SMARCC1: variants seen among roughly 807,000 people sequenced by gnomAD.
The protein encoded by SMARCC1 is SWI/SNF complex subunit SMARCC1.
In SMARCC1, 43 loss-of-function variants were observed where a neutral mutation model predicts 147.4. The observed-to-expected ratio is 0.29, with a 90% CI of 0.23 to 0.38. The LOEUF (loss-of-function observed/expected upper bound fraction) is 0.38. Ranked by LOEUF, SMARCC1 falls within the 10% of genes least tolerant of loss-of-function variation. SMARCC1 has a pLI of 1.00. For synonymous variants in SMARCC1, 495 were observed against 484.4 expected (o/e 1.02, Z -0.29); for missense variants, 1,119 against 1,381.1 (o/e 0.81, Z 3.01).
intron 6 of SMARCC1, among the ~76,000 whole-genome samples, chr3:47,726,127 T>C (rs1037084975): frequency 1.4e-5 from 2 of 147,540 alleles, no homozygotes; most frequent in South Asian, 2.2e-4. Flanking sequence ...AGCCTGTTAT[T>C]AAAAAATAAT....
intron 15 of SMARCC1, among the ~76,000 whole-genome samples, chr3:47,678,802 G>A (rs1427550105): frequency 6.6e-6 from 1 of 152,194 alleles, no homozygotes; most frequent in East Asian, 1.9e-4. Flanking sequence ...TAGCCACAGG[G>A]TTGGTAACTG....
At chr3:47,781,366 T>C (rs1208245519) in intron 1 of SMARCC1, among the ~76,000 whole-genome samples, 2 of 152,186 alleles carry the variant, frequency 1.3e-5, no homozygotes, top group Non-Finnish European at 1.5e-5. Flanking sequence ...CACACGAGAC[T>C]GAGCAGGGGC....
chr3:47,662,393 G>C lies in SMARCC1; in HGVS notation c.2099C>G (p.Ala700Gly). ...QSGNPVMSTV[A>G]FLASVVDPRV... ...AGGGTCCACCACAGATGCCAAAAAA[G>C]CAACAGTACTCATAACTGGATTTCC... Residue 700 changes from alanine to glycine, a missense_variant, in exon 20 of 28, where the codon GCT becomes GGT. Physicochemically the swap from Ala to Gly is moderately conservative, Grantham distance 60. Coordinates refer to ENST00000254480, the MANE Select transcript of SMARCC1 (RefSeq NM_003074.4). 1.9e-5 allele frequency: 31 copies of C among 1,614,122 alleles called. No individual in the cohort carries two copies. Among genetic ancestry groups the C allele is most frequent in the Non-Finnish European group, 2.6e-5 (31 of 1,179,998 alleles).
intron 1 of SMARCC1, among the ~76,000 whole-genome samples, chr3:47,781,139 G>T (rs2035041224): frequency 6.6e-6 from 1 of 152,146 alleles, no homozygotes; most frequent in Non-Finnish European, 1.5e-5. Context: ...AATTCATATT[G>T]CCTGTTATTA....
rs2033359952 is a variant in SMARCC1 at position 47,662,486 on chromosome 3, G to T, written c.2006C>A (p.Pro669Gln). ...LHFLRLPIED[P>Q]YLENSDASLG... ...GGAAGCATCTGAATTCTCAAGGTAT[G>T]GGTCCTCAATGGGAAGTCTCAAAAA... The change falls in exon 20 of 28, where the codon CCA becomes CAA. Residue 669 changes from proline (P) to glutamine (Q), a missense_variant. Physicochemically the swap from Pro to Gln is moderately conservative, Grantham distance 76. Coordinates refer to ENST00000254480, the MANE Select transcript of SMARCC1 (RefSeq NM_003074.4). 6.2e-7 allele frequency: 1 copy of T among 1,614,094 alleles called. No homozygotes were observed.
chr3:47,767,530 C>T (rs554272587), intron 2 of SMARCC1, among the ~76,000 whole-genome samples: 6 of 143,252 alleles, frequency 4.2e-5, no homozygotes, highest in East Asian at 2.2e-4. Context: ...TGTGAGCCAC[C>T]GCACCCAGCC....
chr3:47,778,415 C>T (rs2035003528), intron 1 of SMARCC1, among the ~76,000 whole-genome samples: 7 of 151,768 alleles, frequency 4.6e-5, no homozygotes, highest in Admixed American at 3.9e-4. Flanking sequence ...CTCAAGTGAT[C>T]CTCCAAGGAC....
At chr3:47,732,559 A>G (rs371766530) in intron 5 of SMARCC1, among the ~76,000 whole-genome samples, 101 of 152,182 alleles carry the variant, frequency 6.6e-4, no homozygotes, top group African/African-American at 2.3e-3. Context: ...GAGATAAGCA[A>G]CTCTTCCTTT....
chr3:47,662,325 A>G lies in SMARCC1; in HGVS notation c.2158+9T>C. The G allele has an allele frequency of 1.2e-6, 2 of 1,612,608 alleles. No homozygotes were observed. The highest frequency in any genetic ancestry group is 8.5e-7 in the Non-Finnish European group (1 of 1,179,244). On this transcript the variant is annotated intron_variant, in intron 20 of 27. Transcript: ENST00000254480. ...TTCTGTTGAGGAGATGGTTTAGGGA[A>G]GTCCATACCCAAAGCCGCTTTTGCT... is the stretch of plus-strand genomic sequence containing the variant.
At chr3:47,632,568 T>C (rs769355432) in intron 24 of SMARCC1, among the ~76,000 whole-genome samples, 2 of 152,028 alleles carry the variant, frequency 1.3e-5, no homozygotes, top group Non-Finnish European at 2.9e-5. Flanking sequence ...TCCTGACACA[T>C]TGAGAGGTCA....
chr3:47,672,336 G>A (rs1427422732), intron 18 of SMARCC1, among the ~76,000 whole-genome samples: 3 of 151,772 alleles, frequency 2.0e-5, no homozygotes, highest in Admixed American at 6.6e-5. Flanking sequence ...TGCCTCAGCC[G>A]CTGGGACTAC....
chr3:47,635,319 T>G lies in SMARCC1; in HGVS notation c.2517A>C (p.Lys839Asn). 6.2e-7 allele frequency: 1 copy of G among 1,612,780 alleles called. No individual in the cohort carries two copies. The highest frequency in any genetic ancestry group is 8.5e-7 in the Non-Finnish European group (1 of 1,179,836). The change falls in exon 24 of 28, where the codon AAA becomes AAC. Residue 839 changes from lysine (K) to asparagine (N), a missense_variant. Lys to Asn is a moderately conservative substitution (Grantham distance 94). Coordinates refer to ENST00000254480, the MANE Select transcript of SMARCC1 (RefSeq NM_003074.4). ...TTTCTTTACATGTATCAGTGAGTTC[T>G]TTGTTCTCTTCAGTCTCCTTTTCTT... ...KSEEKETEEN[K>N]ELTDTCKERE...
chr3:47,669,346 T>C (rs2033466499), intron 19 of SMARCC1, among the ~76,000 whole-genome samples: 1 of 152,202 alleles, frequency 6.6e-6, no homozygotes, highest in Admixed American at 6.6e-5. Context: ...AAAGAACAAC[T>C]GTTGCTCCAG....
Position 47,747,905 on chromosome 3 carries a change from C to G in SMARCC1, c.316-1912G>C, listed in dbSNP as rs559483088. ...AGGCATGGTGGCTCACGCCTGTAATCCCAGCACTTTGGAAGGCCAAAGCGG... is the reference window on the plus strand; with the variant it reads ...AGGCATGGTGGCTCACGCCTGTAATGCCAGCACTTTGGAAGGCCAAAGCGG... On this transcript the variant is annotated intron_variant, in intron 2 of 27. Coordinates refer to ENST00000254480, the MANE Select transcript of SMARCC1 (RefSeq NM_003074.4). Among the ~76,000 whole-genome samples the G allele has an allele frequency of 9.2e-5, 14 of 152,238 alleles. No individual in the cohort carries two copies. In the East Asian group the frequency reaches 2.7e-3, roughly 30 times the overall value.
intron 2 of SMARCC1, among the ~76,000 whole-genome samples, chr3:47,771,151 C>T (rs886418341): frequency 2.0e-5 from 3 of 152,094 alleles, no homozygotes; most frequent in South Asian, 2.1e-4. Flanking sequence ...CATCGTGATC[C>T]GCCCACCTCA....
intron 19 of SMARCC1, among the ~76,000 whole-genome samples, chr3:47,665,758 T>C (rs1164784001): frequency 6.6e-6 from 1 of 152,132 alleles, no homozygotes; most frequent in Non-Finnish European, 1.5e-5. Flanking sequence ...TTTTAGTAAG[T>C]ATCTTATAAT....
At chr3:47,610,715 T>TA (rs1351198535) in intron 25 of SMARCC1, 1 of 235,626 alleles carries the variant, frequency 4.2e-6, no homozygotes, top group Admixed American at 5.0e-5. Context: ...CTTGTCCTTG[T>TA]AATAGTTCCT....
chr3:47,757,535 G>C (rs1186188027), intron 2 of SMARCC1, among the ~76,000 whole-genome samples: 2 of 152,070 alleles, frequency 1.3e-5, no homozygotes, highest in Admixed American at 6.6e-5. Flanking sequence ...TCAGCACTTT[G>C]GGAGGCCAAG....
chr3:47,706,044 G>C (rs1286893223), intron 10 of SMARCC1, among the ~76,000 whole-genome samples: 1 of 151,822 alleles, frequency 6.6e-6, no homozygotes, highest in Non-Finnish European at 1.5e-5. Flanking sequence ...GAGCTTATTT[G>C]ATCACAAATG....
Sources: allele counts gnomAD v4.1 joint callset (sites outside exome capture counted in the v4.1 genomes callset), GRCh38; gene constraint gnomAD v4.1.1; transcripts MANE v1.5; gene names NCBI Gene and HGNC (gene_info 2026-07-23, HGNC 2026-07-21).